The following ARHGEF2 variants were observed in gnomAD, a reference collection of about 807,000 sequenced individuals.
ARHGEF2 encodes the protein Rho/Rac guanine nucleotide exchange factor 2, also known as rho guanine nucleotide exchange factor 2.
A neutral mutation model predicts 121.0 loss-of-function variants in ARHGEF2; 22 were observed. The observed-to-expected ratio is 0.18, with a 90% confidence interval of 0.13 to 0.26. The LOEUF (loss-of-function observed/expected upper bound fraction) is 0.26. ARHGEF2 is among the 10% of genes least tolerant of loss of function. The pLI, the probability that ARHGEF2 is intolerant of heterozygous loss-of-function variation, is 1.00. For missense variants in ARHGEF2, 907 were observed against 1,336.0 expected (o/e 0.68, Z 5.01); for synonymous variants, 487 against 530.0 (o/e 0.92, Z 1.11).
At chr1:155,964,648 G>A (rs1284993743) in intron 7 of ARHGEF2, among the ~76,000 whole-genome samples, 1 of 151,970 alleles carries the variant, frequency 6.6e-6, no homozygotes, top group Non-Finnish European at 1.5e-5. Flanking sequence ...AGCCGGGTAC[G>A]GTGGCTCACG....
At chr1:155,958,229 G>A in intron 12 of ARHGEF2, 91 bp downstream of exon 12, 2 of 973,208 alleles carry the variant, frequency 2.1e-6, no homozygotes, top group Non-Finnish European at 3.2e-6. Flanking sequence ...GACTCTGGGG[G>A]ACTCCAGAGC....
In ARHGEF2 at chr1:155,947,557, T is replaced by G. The variant is rs2102621174; in HGVS notation, c.*385A>C. Reference sequence around the variant, plus strand: ...TTAGGGCAAGAACCCAGCAGCTGCGTGGATGAGCCTGAATATACCCCAGTA... The same window carrying G: ...TTAGGGCAAGAACCCAGCAGCTGCGGGGATGAGCCTGAATATACCCCAGTA... On this transcript the variant is annotated 3_prime_UTR_variant, in exon 22 of 22. Transcript: ENST00000361247. The G allele has an allele frequency of 2.5e-6, 1 of 398,048 alleles. No homozygotes were observed. Among genetic ancestry groups the G allele is most frequent in the Non-Finnish European group, 5.0e-6 (1 of 201,022 alleles). 24.7% of individuals were successfully genotyped at this position (398,048 alleles called of 1,614,324 possible).
At chr1:155,964,914 AAG>A in intron 7 of ARHGEF2, 72 bp downstream of exon 7, 4 of 1,507,058 alleles carry the variant, frequency 2.7e-6, no homozygotes, top group Non-Finnish European at 3.6e-6. Context: ...AAAAAAGAAA[AAG>A]AAAAATAAAG....
Position 155,978,510 on chromosome 1 carries a change from C to T in ARHGEF2, c.-83G>A. 7.5e-7 allele frequency: 1 copy of T among 1,327,448 alleles called. No homozygotes were observed. Among genetic ancestry groups the T allele is most frequent in the Non-Finnish European group, 9.8e-7 (1 of 1,025,582 alleles). The allele number at this position is 1,327,448 out of a possible 1,614,324, so 82.2% of individuals were successfully genotyped here. A position where few individuals can be genotyped will look rare whatever the true frequency, so the allele number is the denominator to read the frequency against. On this transcript the variant is annotated 5_prime_UTR_variant, in exon 1 of 22. Coordinates refer to ENST00000361247, the MANE Select transcript of ARHGEF2 (RefSeq NM_001162383.2). This position sits in a 1 kb window ranked among gnomAD's most constrained non-coding sequence, Gnocchi z 4.1. The stretch of plus-strand genomic sequence containing the variant: ...GGGGAAGGCGGGGGGAGGGGTTCGG[C>T]CCGCACGCGTTGGTCTCGGGGACAG...
Position 155,961,626 on chromosome 1 carries a change from T to C in ARHGEF2, c.1468+35A>G, listed in dbSNP as rs756306644. 31 of 1,590,550 alleles carry C rather than the reference T, an allele frequency of 1.9e-5. No homozygotes were observed. The highest frequency in any genetic ancestry group is 2.5e-5 in the Non-Finnish European group (29 of 1,170,072). On this transcript the variant is annotated intron_variant, in intron 11 of 21. Coordinates refer to ENST00000361247, the MANE Select transcript of ARHGEF2 (RefSeq NM_001162383.2). The surrounding 1 kb of genome is among the most constrained non-coding windows in gnomAD (Gnocchi z 4.7). ...GGCATCTCCCACTCTCCATCTGACT[T>C]TGAATTCCTGCCTAGTCTGCCGAGC...
At chr1:155,978,580 ACCCGAGTCT>A, upstream of ARHGEF2, 1 of 1,237,222 alleles carries the variant, frequency 8.1e-7, no homozygotes, top group Non-Finnish European at 1.0e-6. This position sits in a 1 kb window ranked among gnomAD's most constrained non-coding sequence, Gnocchi z 4.1. Flanking sequence ...AGTTCCTCAA[ACCCGAGTCT>A]CCTCCCCCGC....
chr1:155,978,865 C>G, upstream of ARHGEF2: 2 of 984,898 alleles, frequency 2.0e-6, no homozygotes, highest in Non-Finnish European at 2.4e-6. This position sits in a 1 kb window ranked among gnomAD's most constrained non-coding sequence, Gnocchi z 4.1. Flanking sequence ...CCCTCCCCTT[C>G]TTCCCTTCTC....
chr1:155,960,704 C>A (rs922413044), intron 11 of ARHGEF2, among the ~76,000 whole-genome samples: 1 of 152,128 alleles, frequency 6.6e-6, no homozygotes, highest in Non-Finnish European at 1.5e-5. Flanking sequence ...ATATCCAAAC[C>A]CAGGGAGCAG....
intron 2 of ARHGEF2, 173 bp downstream of exon 2, chr1:155,968,983 C>A (rs949914463): frequency 1.4e-6 from 1 of 720,738 alleles, no homozygotes; most frequent in Non-Finnish European, 2.3e-6. Flanking sequence ...CAGCCACCAC[C>A]CCTCAGAGTG....
chr1:155,979,457 TGA>T (rs1238409654), upstream of ARHGEF2, among the ~76,000 whole-genome samples: 1 of 152,190 alleles, frequency 6.6e-6, no homozygotes, highest in Non-Finnish European at 1.5e-5. Context: ...AGCCTTTGGG[TGA>T]GTTTCCTGCT....
chr1:155,954,853 G>A (rs377642355), intron 14 of ARHGEF2, 49 bp downstream of exon 14: 248 of 1,516,112 alleles, frequency 1.6e-4, no homozygotes, highest in Non-Finnish European at 8.8e-5. Flanking sequence ...ATATTCCATT[G>A]TGTGAATGTA....
At chr1:155,970,308 C>T (rs369863789) in intron 1 of ARHGEF2, 1 of 985,640 alleles carries the variant, frequency 1.0e-6, no homozygotes. Flanking sequence ...CCTGCCTCTG[C>T]AAGTCAAGTC....
Position 155,962,886 on chromosome 1 carries a change from C to A in ARHGEF2, c.975+47G>T. 1 of 1,610,738 alleles carries A rather than the reference C, an allele frequency of 6.2e-7. No individual in the cohort carries two copies. The highest frequency in any genetic ancestry group is 1.1e-5 in the South Asian group (1 of 90,728). On this transcript the variant is annotated intron_variant, in intron 8 of 21. Transcript: ENST00000361247. This position sits in a 1 kb window ranked among gnomAD's most constrained non-coding sequence, Gnocchi z 5.8. The stretch of plus-strand genomic sequence containing the variant: ...GGACCCAAGAAATGCCCAACCCAGT[C>A]ACACCTCCTTCCATGAATGTCACCC...
chr1:155,954,404 C>G (rs1343578953), intron 14 of ARHGEF2, among the ~76,000 whole-genome samples: 6 of 147,840 alleles, frequency 4.1e-5, no homozygotes, highest in Non-Finnish European at 7.5e-5. Context: ...CTACCTCACT[C>G]TCCTGAGTAG....
At chr1:155,952,527 T>C (rs1435447352) in intron 15 of ARHGEF2, 101 bp downstream of exon 15, 1 of 1,348,000 alleles carries the variant, frequency 7.4e-7, no homozygotes, top group East Asian at 2.4e-5. Flanking sequence ...GTTTATAGGG[T>C]TGGCATCCCA....
Position 155,950,951 on chromosome 1 carries a change from C to T in ARHGEF2, c.2581G>A (p.Ala861Thr). Residue 861 changes from alanine to threonine, a missense_variant, in exon 20 of 22, where the codon GCC (alanine) becomes ACC (threonine). By Grantham distance (58) the Ala-to-Thr change is moderately conservative (BLOSUM62 0). Around this residue, in one of 2 missense-constraint regions of ARHGEF2, gnomAD observed 432 missense variants for 559.5 expected, o/e 0.77. Transcript: ENST00000361247. The surrounding 1 kb of genome is among the most constrained non-coding windows in gnomAD (Gnocchi z 5.2). Reference sequence around the variant, plus strand: ...AGTGGCTCGGTCTGGCCCAGGGCGGCCAGCTGCCTTCGAGCCTCTTCGGCC... The same window carrying T: ...AGTGGCTCGGTCTGGCCCAGGGCGGTCAGCTGCCTTCGAGCCTCTTCGGCC... ...REAEEARRQL[A>T]ALGQTEPLPA... is the part of the protein sequence containing the mutation. 3 of 1,607,060 alleles carry T rather than the reference C, an allele frequency of 1.9e-6. No homozygotes were observed. Among genetic ancestry groups the T allele is most frequent in the South Asian group, 2.2e-5 (2 of 90,664 alleles).
At position 155,963,179 on chromosome 1, in the gene ARHGEF2, T is replaced by C; in HGVS notation, c.729A>G (p.Leu243=). The C allele has an allele frequency of 3.7e-6, 6 of 1,609,190 alleles. No individual in the cohort carries two copies. The highest frequency in any genetic ancestry group is 5.1e-6 in the Non-Finnish European group (6 of 1,179,464). ...TCACATGGTGCAGCTCTGTCTGGATTAGCTCTGTGGGGGACATTGGGACAT... is the reference window on the plus strand; with the variant it reads ...TCACATGGTGCAGCTCTGTCTGGATCAGCTCTGTGGGGGACATTGGGACAT... ...VMKQQDVIYE[L]IQTELHHVRT... is the part of the protein sequence containing the mutation. Residue 243 remains leucine (L), a synonymous_variant, in exon 8 of 22, where the codon CTA becomes CTG. Coordinates refer to ENST00000361247, the MANE Select transcript of ARHGEF2 (RefSeq NM_001162383.2).
intron 14 of ARHGEF2, among the ~76,000 whole-genome samples, chr1:155,953,746 C>CAAAAA (rs926082849): frequency 4.4e-5 from 2 of 45,144 alleles, no homozygotes; most frequent in Admixed American, 2.4e-4. Context: ...GACCCTGTCT[C>CAAAAA]AAAAAAAAAA....
chr1:155,953,955 A>G (rs1017684551), intron 14 of ARHGEF2, among the ~76,000 whole-genome samples: 4 of 151,988 alleles, frequency 2.6e-5, no homozygotes, highest in Non-Finnish European at 5.9e-5. Context: ...TTATGTTGAC[A>G]GCAATAATAT....
Sources: gnomAD v4.1 joint callset for allele counts (sites outside exome capture counted in the v4.1 genomes callset) on GRCh38, gnomAD v4.1.1 for gene constraint, gnomAD v4.1.1 regional missense constraint, Gnocchi (gnomAD v3.1) non-coding constraint, MANE v1.5 for transcripts, NCBI Gene and HGNC (gene_info 2026-07-23, HGNC 2026-07-21) for gene names.